The following DNAH9 variants were observed in gnomAD, a reference collection of about 807,000 sequenced individuals.
DNAH9 encodes the protein dynein axonemal heavy chain 9.
In DNAH9, 345 loss-of-function variants were observed where a neutral mutation model predicts 471.6. The observed-to-expected ratio is 0.73, with a 90% CI of 0.67 to 0.80. The LOEUF is 0.80. Ranked by LOEUF, DNAH9 falls within the 30% of genes least tolerant of loss-of-function variation. DNAH9 has a pLI of 0.00. For synonymous variants in DNAH9, 2,093 were observed against 2,123.6 expected, an observed-to-expected ratio of 0.99 and a Z score of 0.40; for missense variants, 5,407 against 5,609.2, an observed-to-expected ratio of 0.96 and a Z score of 1.15.
Position 11,834,971 on chromosome 17 carries a change from A to G in DNAH9, c.9507+73A>G, listed in dbSNP as rs78689601. ...ACGCAGAGACCACCTTGGCATTCCC[A>G]AGAGATGCAAGGACAATGTTGGGAG... is the stretch of plus-strand genomic sequence containing the variant. On this transcript the variant is annotated intron_variant, in intron 49 of 68. Coordinates refer to ENST00000262442, the MANE Select transcript of DNAH9 (RefSeq NM_001372.4). 140 of 1,540,368 alleles carry G rather than the reference A, an allele frequency of 9.1e-5. No individual in the cohort carries two copies. In the African/African-American group the frequency reaches 1.8e-3, roughly 20 times the overall value.
chr17:11,940,479 T>A (rs1974869220), intron 66 of DNAH9, among the ~76,000 whole-genome samples: 1 of 152,196 alleles, frequency 6.6e-6, no homozygotes, highest in South Asian at 2.1e-4. Flanking sequence ...AATATATATA[T>A]AATTTTAGCC....
At chr17:11,772,305 G>T (rs565173489) in intron 38 of DNAH9, among the ~76,000 whole-genome samples, 2 of 151,896 alleles carry the variant, frequency 1.3e-5, no homozygotes, top group East Asian at 1.9e-4. Flanking sequence ...CTATTAAAGT[G>T]GTTTTATAAT....
Position 11,891,842 on chromosome 17 carries a change from G to A in DNAH9, c.11178G>A (p.Arg3726=). 1 of 1,614,072 alleles carries A rather than the reference G, an allele frequency of 6.2e-7. No individual in the cohort carries two copies. Among genetic ancestry groups the A allele is most frequent in the Non-Finnish European group, 8.5e-7 (1 of 1,180,012 alleles). The change falls in exon 58 of 69, where the codon CGG becomes CGA. Residue 3726 remains arginine (R), a synonymous_variant. Coordinates refer to ENST00000262442, the MANE Select transcript of DNAH9 (RefSeq NM_001372.4). ...RAAPDESLRE[R]VANLIDSITF... ...CTCCTGACGAAAGCCTCAGGGAGCG[G>A]GTGGCCAACCTAATAGACAGCATAA...
At chr17:11,696,464 C>T (rs1025879911) in intron 22 of DNAH9, among the ~76,000 whole-genome samples, 17 of 152,110 alleles carry the variant, frequency 1.1e-4, no homozygotes, top group African/African-American at 4.1e-4. Context: ...AGGTAAACTC[C>T]TAAAAGTGAG....
Position 11,880,783 on chromosome 17 carries a change from C to T in DNAH9, c.10602-426C>T, listed in dbSNP as rs536465700. On this transcript the variant is annotated intron_variant, in intron 54 of 68. Coordinates refer to ENST00000262442, the MANE Select transcript of DNAH9 (RefSeq NM_001372.4). ...GCCTTTACTGTCCTCAAGTCGTGCT[C>T]GTTTACTTGGTTAATCATTTTCACC... 5.3e-5 allele frequency among the ~76,000 whole-genome samples: 8 copies of T among 152,236 alleles called. No homozygotes were observed. The South Asian group carries it at 1.5e-3, about 28-fold the overall frequency.
rs535673729 is a variant in DNAH9, at chr17:11,648,003, T to C, written c.2097+805T>C. ...GAATAGTGCTGAGGTTGAGAAACTG[T>C]TTTAGATGATCAGAAGGATGGAAGA... On this transcript the variant is annotated intron_variant, in intron 12 of 68. Transcript: ENST00000262442. Among the ~76,000 whole-genome samples, 18 of 152,334 alleles carry C rather than the reference T, an allele frequency of 1.2e-4. No homozygotes were observed. The South Asian group carries it at 3.7e-3, about 32-fold the overall frequency.
chr17:11,819,983 C>A (rs948440023), intron 45 of DNAH9, among the ~76,000 whole-genome samples: 10 of 152,064 alleles, frequency 6.6e-5, no homozygotes, highest in Non-Finnish European at 1.5e-4. Context: ...ATAATGATAA[C>A]AAGAAAACAC....
At chr17:11,749,349 T>G (rs2005807) in intron 32 of DNAH9, among the ~76,000 whole-genome samples, 115,145 of 151,840 alleles carry the variant, frequency 0.76, 44,063 homozygotes, top group East Asian at 0.92. Context: ...CTCCCAAAGT[T>G]CTGGGATTAC....
intron 26 of DNAH9, among the ~76,000 whole-genome samples, chr17:11,715,011 C>T (rs564430042): frequency 1.4e-4 from 22 of 152,230 alleles, no homozygotes; most frequent in African/African-American, 3.6e-4. Context: ...TGTGAGATAA[C>T]GAGGGATGTT....
chr17:11,872,852 G>C (rs1044860634), intron 52 of DNAH9, among the ~76,000 whole-genome samples: 1 of 152,224 alleles, frequency 6.6e-6, no homozygotes, highest in South Asian at 2.1e-4. Flanking sequence ...CCCGGGAGGC[G>C]AAGCTTGCAG....
Position 11,716,772 on chromosome 17 carries a change from G to A in DNAH9, c.5553-2562G>A, listed in dbSNP as rs140022056. 4.9e-3 allele frequency among the ~76,000 whole-genome samples: 744 copies of A among 152,314 alleles called. 9 individuals carry two copies. The highest frequency in any genetic ancestry group is 0.017 in the African/African-American group (696 of 41,564). On this transcript the variant is annotated intron_variant, in intron 26 of 68. Transcript: ENST00000262442. ...TGTGATGCACCCTCAGCCGGCAGAG[G>A]GGACAGCTATGGGACAGAAAGGCAA...
chr17:11,831,926 G>C (rs1465764381), intron 48 of DNAH9, among the ~76,000 whole-genome samples: 1 of 152,122 alleles, frequency 6.6e-6, no homozygotes, highest in Non-Finnish European at 1.5e-5. Flanking sequence ...ACCCCACTCA[G>C]TCAGCACCAT....
At chr17:11,901,970 G>A (rs1360676293) in intron 59 of DNAH9, among the ~76,000 whole-genome samples, 1 of 152,238 alleles carries the variant, frequency 6.6e-6, no homozygotes, top group East Asian at 1.9e-4. Context: ...TTCACAACCT[G>A]TAGAGCCTTA....
intron 67 of DNAH9, among the ~76,000 whole-genome samples, chr17:11,942,876 T>C (rs1010789581): frequency 2.0e-5 from 3 of 151,410 alleles, no homozygotes; most frequent in African/African-American, 4.9e-5. Context: ...CTGCTGTCGA[T>C]TTACATTGGC....
At chr17:11,916,432 C>G (rs1597822928) in intron 61 of DNAH9, among the ~76,000 whole-genome samples, 1 of 152,350 alleles carries the variant, frequency 6.6e-6, no homozygotes, top group East Asian at 1.9e-4. Flanking sequence ...TCCCTGCCTT[C>G]TTGGTGCTTT....
At position 11,796,847 on chromosome 17, in the gene DNAH9, G is replaced by A. The variant is rs145410187; in HGVS notation, c.8224-750G>A. On this transcript the variant is annotated intron_variant, in intron 42 of 68. Transcript: ENST00000262442. ...CCACTAACATGAAAGTTAAAAAATT[G>A]GTCTTCTCTTCAGTACTTAGAGATA... Among the ~76,000 whole-genome samples the A allele has an allele frequency of 2.0e-5, 3 of 152,202 alleles. No homozygotes were observed. In the East Asian group the frequency reaches 5.8e-4, roughly 29 times the overall value.
chr17:11,697,797 A>G (rs1315605783), intron 22 of DNAH9, among the ~76,000 whole-genome samples: 1 of 151,896 alleles, frequency 6.6e-6, no homozygotes, highest in Non-Finnish European at 1.5e-5. Context: ...TTTTGTGTCA[A>G]TTCTGCACTT....
At position 11,804,671 on chromosome 17, in the gene DNAH9, G is replaced by A. The variant is rs76869863; in HGVS notation, c.8421-3061G>A. Among the ~76,000 whole-genome samples the A allele has an allele frequency of 1.1e-3, 162 of 152,196 alleles. 3 individuals carry two copies. In the East Asian group the frequency reaches 0.028, roughly 26 times the overall value. On this transcript the variant is annotated intron_variant, in intron 43 of 68. Transcript: ENST00000262442. ...GGGTGGATCACAAGGTCAGGAGATC[G>A]AGTCCATCCTGGCTAACCTGGTGAA...
At chr17:11,797,482 T>C in intron 42 of DNAH9, 115 bp from the exon 43 acceptor site, 1 of 771,676 alleles carries the variant, frequency 1.3e-6, no homozygotes, top group Admixed American at 2.9e-5. Flanking sequence ...ATGTTGGAAG[T>C]AGCACTGATG....
Sources: allele counts gnomAD v4.1 joint callset (sites outside exome capture counted in the v4.1 genomes callset), GRCh38; gene constraint gnomAD v4.1.1; transcripts MANE v1.5; gene names NCBI Gene and HGNC (gene_info 2026-07-23, HGNC 2026-07-21).